The following ATCAY variants were observed in gnomAD, a reference collection of about 807,000 sequenced individuals.
The protein encoded by ATCAY is ATCAY kinesin light chain interacting caytaxin.
Under a neutral mutation model 47.7 loss-of-function variants are expected in ATCAY, and 22 were observed. That is an observed-to-expected ratio of 0.46 (90% CI 0.33 to 0.66). The LOEUF is 0.66. Among genes scored for constraint, ATCAY ranks in the 30% least tolerant of loss-of-function variants. The probability of loss-of-function intolerance (pLI) is 0.02; values close to 1 mark genes in which losing one functional copy is unlikely to be tolerated. For missense variants in ATCAY, 452 were observed against 515.0 expected, an observed-to-expected ratio of 0.88 and a Z score of 1.18; for synonymous variants, 216 against 207.6, an observed-to-expected ratio of 1.04 and a Z score of -0.35.
At chr19:3,917,610 A>AAAAAAAAAAAG (rs368009492) in intron 9 of ATCAY, 132 bp from the exon 10 acceptor site, 3 of 492,804 alleles carry the variant, frequency 6.1e-6, no homozygotes, top group Non-Finnish European at 6.7e-6. Flanking sequence ...AAAAAAAAAA[A>AAAAAAAAAAAG]GGAAGAAGAA....
At chr19:3,921,901 AAAAAAAAC>A (rs1209490689) in intron 12 of ATCAY, among the ~76,000 whole-genome samples, 17 of 151,984 alleles carry the variant, frequency 1.1e-4, no homozygotes, top group South Asian at 6.2e-4. Context: ...TGTTTAAAAA[AAAAAAAAC>A]AAAAAAACAA....
rs1467756791 is a variant in ATCAY, at chr19:3,926,467, A to G, written c.*1875A>G. The G allele has an allele frequency of 6.6e-6, 1 of 152,230 alleles. No homozygotes were observed. Among genetic ancestry groups the G allele is most frequent in the Non-Finnish European group, 1.5e-5 (1 of 68,054 alleles). 9.4% of individuals were successfully genotyped at this position (152,230 alleles called of 1,614,324 possible). On this transcript the variant is annotated 3_prime_UTR_variant, in exon 13 of 13. Coordinates refer to ENST00000450849, the MANE Select transcript of ATCAY (RefSeq NM_033064.5). ...TTCCTAGCTCTGTGGTTGACCTCTC[A>G]GCAAGTGCTATCCAGGCTGGGCCAA...
At position 3,923,561 on chromosome 19, in the gene ATCAY, A is replaced by AATGG. The variant is rs370852190; in HGVS notation, c.1107-1005_1107-1002dup. 5.5e-5 allele frequency among the ~76,000 whole-genome samples: 8 copies of AATGG among 145,520 alleles called. No homozygotes were observed. The East Asian group carries it at 6.3e-4, about 11-fold the overall frequency. ...TGATAGGTGGATGGATGGATGGATA[A>AATGG]ATGGATGGATGGATGGATGGGTGAA... On this transcript the variant is annotated intron_variant, in intron 12 of 12. Coordinates refer to ENST00000450849, the MANE Select transcript of ATCAY (RefSeq NM_033064.5).
chr19:3,913,373 C>CGGTGACA (rs1568451384), intron 8 of ATCAY, among the ~76,000 whole-genome samples: 1 of 152,128 alleles, frequency 6.6e-6, no homozygotes, highest in Non-Finnish European at 1.5e-5. Context: ...CCGTCCTGTG[C>CGGTGACA]GGTGACATGG....
At chr19:3,885,285 G>A (rs1234702425) in intron 1 of ATCAY, among the ~76,000 whole-genome samples, 4 of 151,774 alleles carry the variant, frequency 2.6e-5, no homozygotes, top group Non-Finnish European at 5.9e-5. Context: ...CGGGTGTGAT[G>A]GCTCAAGCCT....
At chr19:3,887,436 T>C (rs1309392216) in intron 2 of ATCAY, among the ~76,000 whole-genome samples, 2 of 151,956 alleles carry the variant, frequency 1.3e-5, no homozygotes, top group Non-Finnish European at 1.5e-5. Flanking sequence ...CCAGTCTGGG[T>C]GACAGAGCGA....
intron 8 of ATCAY, 130 bp from the exon 9 acceptor site, chr19:3,913,628 G>C: frequency 1.5e-6 from 1 of 658,100 alleles, no homozygotes; most frequent in Non-Finnish European, 2.7e-6. Flanking sequence ...GGGAGGTGTC[G>C]TCGTCTGCAC....
At chr19:3,885,963 A>G (rs1374688225) in intron 2 of ATCAY, 119 bp downstream of exon 2, 7 of 947,860 alleles carry the variant, frequency 7.4e-6, no homozygotes, top group Non-Finnish European at 1.2e-5. Context: ...GCCTGGTTCC[A>G]TCTCCGCGTC....
chr19:3,895,050 T>C (rs1599280974), intron 2 of ATCAY: 23 of 445,042 alleles, frequency 5.2e-5, no homozygotes, highest in South Asian at 3.3e-4. Flanking sequence ...TTTCATTCAT[T>C]TTCTTTGCCG....
In ATCAY at chr19:3,885,822, T is replaced by C; in HGVS notation, c.55T>C (p.Trp19Arg). The C allele has an allele frequency of 6.4e-7, 1 of 1,552,140 alleles. No homozygotes were observed. The highest frequency in any genetic ancestry group is 1.4e-5 in the African/African-American group (1 of 73,106). Residue 19 changes from tryptophan (W) to arginine (R), a missense_variant, in exon 2 of 13, where the codon TGG (tryptophan) becomes CGG (arginine). Coordinates refer to ENST00000450849, the MANE Select transcript of ATCAY (RefSeq NM_033064.5). ...GGAAAACGTGGACGTGAAGGAGGAA[T>C]GGCAGGACGAAGATCTTCCCAGGTA... ...RMENVDVKEE[W>R]QDEDLPRPLP...
At chr19:3,898,757 C>T (rs1181377835) in intron 2 of ATCAY, among the ~76,000 whole-genome samples, 2 of 152,202 alleles carry the variant, frequency 1.3e-5, no homozygotes, top group Non-Finnish European at 2.9e-5. Flanking sequence ...CTTCAGCTCA[C>T]TGCAACTTCC....
rs1333991440 is a variant in ATCAY, at chr19:3,925,743, C to T, written c.*1151C>T. On this transcript the variant is annotated 3_prime_UTR_variant, in exon 13 of 13. Transcript: ENST00000450849. This position sits in a 1 kb window ranked among gnomAD's most constrained non-coding sequence, Gnocchi z 4.4. ...AAAGGCTGGGCCAGGCACGATGGCT[C>T]ACGCCTGTAATCCCAGACTTTGGGA... The T allele has an allele frequency of 6.6e-6, 1 of 152,332 alleles. No homozygotes were observed. The highest frequency in any genetic ancestry group is 1.5e-5 in the Non-Finnish European group (1 of 68,126). The allele number at this position is 152,332 out of a possible 1,614,324, so 9.4% of individuals were successfully genotyped here.
At chr19:3,901,215 C>T (rs1173856975) in intron 2 of ATCAY, among the ~76,000 whole-genome samples, 1 of 152,114 alleles carries the variant, frequency 6.6e-6, no homozygotes, top group Non-Finnish European at 1.5e-5. Context: ...CCTTCATCTT[C>T]TTGAGGGCAG....
At chr19:3,899,308 CT>C (rs146410703) in intron 2 of ATCAY, among the ~76,000 whole-genome samples, 178 of 106,928 alleles carry the variant, frequency 1.7e-3, no homozygotes, top group Middle Eastern at 0.011. Context: ...GGGAATAAAT[CT>C]TTTTTTTTTT....
chr19:3,917,647 G>A, intron 9 of ATCAY, 95 bp from the exon 10 acceptor site: 5 of 1,182,226 alleles, frequency 4.2e-6, no homozygotes, highest in Admixed American at 2.1e-5. Context: ...AAAAAAGAGA[G>A]CTTGTTTCTC....
intron 2 of ATCAY, among the ~76,000 whole-genome samples, chr19:3,893,108 G>A (rs971862178): frequency 6.6e-6 from 1 of 151,356 alleles, no homozygotes. Flanking sequence ...AGGGGAACAC[G>A]ATCCAACCCA....
intron 9 of ATCAY, among the ~76,000 whole-genome samples, chr19:3,914,618 C>T (rs186765753): frequency 1.4e-4 from 21 of 151,996 alleles, no homozygotes; most frequent in Admixed American, 1.2e-3. Context: ...GTCAGGAGTT[C>T]GAGACTAGCC....
chr19:3,895,207 A>C, intron 2 of ATCAY: 1 of 453,476 alleles, frequency 2.2e-6, no homozygotes, highest in South Asian at 1.5e-5. Flanking sequence ...GGTAAGAGCT[A>C]ATGCTGCAGT....
At chr19:3,887,402 G>A (rs1042264102) in intron 2 of ATCAY, among the ~76,000 whole-genome samples, 9 of 151,974 alleles carry the variant, frequency 5.9e-5, no homozygotes, top group East Asian at 3.9e-4. Flanking sequence ...AGGTTGCAGC[G>A]AGCCATGATT....
Sources: gnomAD v4.1 joint callset for allele counts (sites outside exome capture counted in the v4.1 genomes callset) on GRCh38, gnomAD v4.1.1 for gene constraint, Gnocchi (gnomAD v3.1) non-coding constraint, MANE v1.5 for transcripts, NCBI Gene and HGNC (gene_info 2026-07-23, HGNC 2026-07-21) for gene names.